Variants in SCN10A observed in about 807,000 individuals in gnomAD.
SCN10A encodes the protein sodium voltage-gated channel alpha subunit 10.
Under a neutral mutation model 170.7 loss-of-function variants are expected in SCN10A, and 162 were observed. The observed-to-expected ratio is 0.95, with a 90% CI of 0.84 to 1.08. The LOEUF is 1.08. SCN10A is among the 50% of genes least tolerant of loss of function. The probability of loss-of-function intolerance (pLI) is 0.00; values close to 1 mark genes in which losing one functional copy is unlikely to be tolerated. For missense variants in SCN10A, 2,527 were observed against 2,436.9 expected, an observed-to-expected ratio of 1.04 and a Z score of -0.78; for synonymous variants, 985 against 904.6, an observed-to-expected ratio of 1.09 and a Z score of -1.59.
intron 6 of SCN10A, among the ~76,000 whole-genome samples, chr3:38,761,837 TGAGAGAGAGAGAGAGA>T (rs772881421): frequency 2.1e-5 from 3 of 144,650 alleles, no homozygotes; most frequent in African/African-American, 5.2e-5. Context: ...TGTGTGTGTG[TGAGAGAGAGAGAGAGA>T]GAGAGAGAGA....
chr3:38,762,018 A>G (rs7432804), intron 6 of SCN10A, among the ~76,000 whole-genome samples: 52,359 of 152,018 alleles, frequency 0.34, 9,652 homozygotes, highest in East Asian at 0.6. Context: ...GCATAAATAG[A>G]ACTTGTGCCA....
chr3:38,760,119 G>A (rs917829740), intron 8 of SCN10A, among the ~76,000 whole-genome samples: 1 of 152,212 alleles, frequency 6.6e-6, no homozygotes, highest in African/African-American at 2.4e-5. Context: ...ATTGAGTGAT[G>A]AAGTCTATTT....
At chr3:38,727,249 G>T (rs142241842) in intron 16 of SCN10A, among the ~76,000 whole-genome samples, 197 bp from the exon 17 acceptor site, 2 of 152,172 alleles carry the variant, frequency 1.3e-5, no homozygotes, top group South Asian at 4.1e-4. Flanking sequence ...GGAGTGACCC[G>T]CCTCAGTGGA....
At chr3:38,705,980 G>A (rs960425046) in intron 26 of SCN10A, among the ~76,000 whole-genome samples, 2 of 152,130 alleles carry the variant, frequency 1.3e-5, no homozygotes, top group African/African-American at 4.8e-5. Context: ...GATACTCAAT[G>A]AGCCTAAGGA....
chr3:38,706,841 G>C (rs1191483215), intron 26 of SCN10A, among the ~76,000 whole-genome samples: 1 of 152,088 alleles, frequency 6.6e-6, no homozygotes, highest in African/African-American at 2.4e-5. Flanking sequence ...CAGGGGAGTT[G>C]GGTTGTTGTC....
intron 20 of SCN10A, among the ~76,000 whole-genome samples, chr3:38,720,604 C>T (rs542713151): frequency 6.6e-6 from 1 of 151,964 alleles, no homozygotes; most frequent in Non-Finnish European, 1.5e-5. Context: ...CTGTTCAGTC[C>T]CAGGGGAAGG....
At position 38,755,806 on chromosome 3, in the gene SCN10A, A is replaced by G; in HGVS notation, c.1443T>C (p.Pro481=). The part of the protein sequence containing the change: ...TEDNKSPRSD[P]YNQRRMSFLG... ...CTCTTACCATCCTGCGCTGGTTGTA[A>G]GGATCAGAGCGGGGTGATTTGTTGT... The change falls in exon 11 of 28, where the codon CCT becomes CCC. Residue 481 remains proline, a synonymous_variant. Coordinates refer to ENST00000449082, the MANE Select transcript of SCN10A (RefSeq NM_006514.4). 1 of 1,613,852 alleles carries G rather than the reference A, an allele frequency of 6.2e-7. No individual in the cohort carries two copies. The highest frequency in any genetic ancestry group is 8.5e-7 in the Non-Finnish European group (1 of 1,180,022).
chr3:38,795,705 A>G (rs1034302702), intron 1 of SCN10A, among the ~76,000 whole-genome samples: 5 of 151,898 alleles, frequency 3.3e-5, no homozygotes, highest in Non-Finnish European at 5.9e-5. Flanking sequence ...CTTTTCCCAT[A>G]CATGATTGTG....
At chr3:38,785,138 A>G (rs1167481283) in intron 4 of SCN10A, among the ~76,000 whole-genome samples, 1 of 152,202 alleles carries the variant, frequency 6.6e-6, no homozygotes, top group Non-Finnish European at 1.5e-5. Context: ...TCTACTTTAA[A>G]TTTCATGTGG....
chr3:38,813,253 G>A (rs994632604), intron 1 of SCN10A, among the ~76,000 whole-genome samples: 5 of 152,152 alleles, frequency 3.3e-5, no homozygotes, highest in East Asian at 3.9e-4. Context: ...TGAGTACCTC[G>A]GCTCCTCCCT....
Position 38,793,870 on chromosome 3 carries a change from T to C in SCN10A, c.141A>G (p.Gln47=), listed in dbSNP as rs2064317862. The stretch of plus-strand genomic sequence containing the variant: ...CCAGCTGGGGCCGAGGCTTCTCTTC[T>C]TGGTCCTTCTGCTCCCTATGCTTCT... ...AREKHREQKD[Q]EEKPRPQLDL... is the part of the protein sequence containing the mutation. Residue 47 remains glutamine, a synonymous_variant, in exon 2 of 28, where the codon CAA becomes CAG. Coordinates refer to ENST00000449082, the MANE Select transcript of SCN10A (RefSeq NM_006514.4). 1 of 1,613,982 alleles carries C rather than the reference T, an allele frequency of 6.2e-7. No individual in the cohort carries two copies. Among genetic ancestry groups the C allele is most frequent in the Non-Finnish European group, 8.5e-7 (1 of 1,179,986 alleles).
At chr3:38,753,369 A>G (rs531827263) in intron 11 of SCN10A, among the ~76,000 whole-genome samples, 3 of 152,318 alleles carry the variant, frequency 2.0e-5, no homozygotes, top group Admixed American at 6.5e-5. Context: ...AAATCTAAAC[A>G]TTGACTTCAT....
intron 5 of SCN10A, among the ~76,000 whole-genome samples, chr3:38,768,528 G>A (rs1399329418): frequency 6.6e-6 from 1 of 152,070 alleles, no homozygotes; most frequent in Non-Finnish European, 1.5e-5. Context: ...AATATTCTTG[G>A]CTGGCAATTA....
Position 38,697,181 on chromosome 3 carries a change from G to T in SCN10A, c.*168C>A, listed in dbSNP as rs1165218894. 9.7e-7 allele frequency: 1 copy of T among 1,031,502 alleles called. No individual in the cohort carries two copies. Among genetic ancestry groups the T allele is most frequent in the Admixed American group, 2.8e-5 (1 of 35,102 alleles). The allele number at this position is 1,031,502 out of a possible 1,614,324, so 63.9% of individuals were successfully genotyped here. A position where few individuals can be genotyped will look rare whatever the true frequency, so the allele number is the denominator to read the frequency against. On this transcript the variant is annotated 3_prime_UTR_variant, in exon 28 of 28. Transcript: ENST00000449082. ...CTTCTGACTCCTATTTGTGTATGAT[G>T]GTTTTTTCAAAGGTGGTTACCAGTT...
At chr3:38,707,413 C>T in intron 25 of SCN10A, 30 bp from the exon 26 acceptor site, 1 of 1,610,604 alleles carries the variant, frequency 6.2e-7, no homozygotes, top group Non-Finnish European at 8.5e-7. Flanking sequence ...GTTACTAAAG[C>T]AAGAGGAACC....
intron 4 of SCN10A, among the ~76,000 whole-genome samples, chr3:38,787,255 A>G (rs918278143): frequency 2.6e-5 from 4 of 152,114 alleles, no homozygotes; most frequent in African/African-American, 9.7e-5. Flanking sequence ...TGATAATCTT[A>G]TTCCTAGATA....
intron 15 of SCN10A, among the ~76,000 whole-genome samples, chr3:38,737,832 C>T (rs141493524): frequency 0.017 from 1,162 of 70,214 alleles, 20 homozygotes; most frequent in African/African-American, 0.052. Flanking sequence ...TTCTTTCTTT[C>T]TCTTTCTTCT....
intron 21 of SCN10A, among the ~76,000 whole-genome samples, chr3:38,717,381 A>G (rs138769910): frequency 1.3e-5 from 2 of 152,372 alleles, no homozygotes; most frequent in East Asian, 3.9e-4. Context: ...GTTTAAGGTG[A>G]TTAGGACTGA....
At chr3:38,766,170 T>C (rs752748793) in intron 5 of SCN10A, among the ~76,000 whole-genome samples, 35 of 152,080 alleles carry the variant, frequency 2.3e-4, no homozygotes, top group Admixed American at 3.3e-4. Flanking sequence ...TACGATCATA[T>C]CATTGGTGAA....
Sources: gnomAD v4.1 joint callset for allele counts (sites outside exome capture counted in the v4.1 genomes callset) on GRCh38, gnomAD v4.1.1 for gene constraint, MANE v1.5 for transcripts, NCBI Gene and HGNC (gene_info 2026-07-23, HGNC 2026-07-21) for gene names.